CELSR1: variants seen among roughly 807,000 people sequenced by gnomAD.
CELSR1 encodes cadherin EGF LAG seven-pass G-type receptor 1.
CELSR1 carries 110 observed loss-of-function variants against 249.1 expected under a neutral mutation model. That is an observed-to-expected ratio of 0.44 (90% CI 0.38 to 0.52). The LOEUF is 0.52. CELSR1 is among the 20% of genes least tolerant of loss of function. The probability of loss-of-function intolerance (pLI) is 0.00; values close to 1 mark genes in which losing one functional copy is unlikely to be tolerated. For synonymous variants in CELSR1, 2,113 were observed against 1,900.0 expected (o/e 1.11, Z -2.92); for missense variants, 4,109 against 4,296.4 (o/e 0.96, Z 1.22).
At chr22:46,494,450 G>A (rs1177572080) in intron 1 of CELSR1, among the ~76,000 whole-genome samples, 3 of 152,108 alleles carry the variant, frequency 2.0e-5, no homozygotes, top group Non-Finnish European at 4.4e-5. Flanking sequence ...TCATAACATT[G>A]AGTCTTCTAA....
chr22:46,372,503 A>T, intron 25 of CELSR1, among the ~76,000 whole-genome samples: 1 of 44,254 alleles, frequency 2.3e-5, no homozygotes, highest in Admixed American at 2.9e-4. Context: ...CCATCCATCC[A>T]CTCACCCCCC....
At position 46,398,643 on chromosome 22, in the gene CELSR1, C is replaced by G. The variant is rs867027698; in HGVS notation, c.5413-6G>C. The G allele has an allele frequency of 1.9e-6, 3 of 1,603,778 alleles. No homozygotes were observed. The highest frequency in any genetic ancestry group is 2.6e-6 in the Non-Finnish European group (3 of 1,175,120). ...CCCCCGATATCTGCCTTGTTCTGTG[C>G]GGAGAGAGGGGCCGGGGATCTGGGG... On this transcript the variant is annotated splice_polypyrimidine_tract_variant and splice_region_variant and intron_variant, in intron 10 of 34. Transcript: ENST00000674500. This position sits in a 1 kb window ranked among gnomAD's most constrained non-coding sequence, Gnocchi z 7.2.
rs1304810481 is a variant in CELSR1 at position 46,447,500 on chromosome 22, C to T, written c.4184-8089G>A. Reference sequence around the variant, plus strand: ...CACACCCCCATCACCATGGCAGCCTCGCCTCCCACACCAAGGATAGAGTCC... The same window carrying T: ...CACACCCCCATCACCATGGCAGCCTTGCCTCCCACACCAAGGATAGAGTCC... On this transcript the variant is annotated intron_variant, in intron 2 of 34. Transcript: ENST00000674500. The surrounding 1 kb of genome is among the most constrained non-coding windows in gnomAD (Gnocchi z 4.7). 6.6e-6 allele frequency among the ~76,000 whole-genome samples: 1 copy of T among 152,148 alleles called. No individual in the cohort carries two copies. Among genetic ancestry groups the T allele is most frequent in the Non-Finnish European group, 1.5e-5 (1 of 68,038 alleles).
intron 1 of CELSR1, among the ~76,000 whole-genome samples, chr22:46,483,385 C>CTTTTTTTTT (rs10647586): frequency 4.9e-5 from 4 of 81,214 alleles, no homozygotes; most frequent in Non-Finnish European, 6.7e-5. Context: ...CTATTCCTGA[C>CTTTTTTTTT]TTTTTTTTTT....
chr22:46,514,480 G>T (rs376890003), intron 1 of CELSR1, among the ~76,000 whole-genome samples: 1 of 152,288 alleles, frequency 6.6e-6, no homozygotes, highest in African/African-American at 2.4e-5. Context: ...ACCTCTGGCT[G>T]CCAGTCAGTC....
chr22:46,522,311 A>AT (rs779815261), intron 1 of CELSR1, among the ~76,000 whole-genome samples: 1 of 151,706 alleles, frequency 6.6e-6, no homozygotes, highest in Non-Finnish European at 1.5e-5. Flanking sequence ...TATTTTGTAT[A>AT]TTTTTTTGGT....
In CELSR1 at chr22:46,533,968, C is replaced by A. The variant is rs774690420; in HGVS notation, c.3203G>T (p.Arg1068Leu). 6.2e-7 allele frequency: 1 copy of A among 1,613,506 alleles called. No individual in the cohort carries two copies. The highest frequency in any genetic ancestry group is 1.1e-5 in the South Asian group (1 of 91,088). ...AMVELDFEVR[R>L]EYVLVVQATS... Reference sequence around the variant, plus strand: ...GGCCTGCACCACCAGCACATACTCCCGCCGGACCTCAAAGTCCAGCTCCAC... The same window carrying A: ...GGCCTGCACCACCAGCACATACTCCAGCCGGACCTCAAAGTCCAGCTCCAC... Residue 1068 changes from arginine to leucine, a missense_variant, in exon 1 of 35, where the codon CGG becomes CTG. Transcript: ENST00000674500.
chr22:46,373,670 G>A (rs1489535772), intron 24 of CELSR1, among the ~76,000 whole-genome samples: 144 of 116,422 alleles, frequency 1.2e-3, no homozygotes, highest in Admixed American at 2.0e-3. Context: ...GGGGAGAAGG[G>A]GGAGATGGGG....
rs1030140780 is a variant in CELSR1 at position 46,454,431 on chromosome 22, G to A, written c.4183+9276C>T. 1.9e-4 allele frequency among the ~76,000 whole-genome samples: 29 copies of A among 152,190 alleles called. No individual in the cohort carries two copies. The highest frequency in any genetic ancestry group is 3.8e-4 in the Non-Finnish European group (26 of 68,034). ...CAGAAGCAGCATCCCTCCAGTGCAC[G>A]CACAGACGCCCATGACCCGCAGCCA... On this transcript the variant is annotated intron_variant, in intron 2 of 34. Coordinates refer to ENST00000674500, the MANE Select transcript of CELSR1 (RefSeq NM_001378328.1). The surrounding 1 kb of genome is among the most constrained non-coding windows in gnomAD (Gnocchi z 5.1).
Position 46,367,758 on chromosome 22 carries a change from A to T in CELSR1, c.8050T>A (p.Tyr2684Asn). The T allele has an allele frequency of 6.2e-7, 1 of 1,607,702 alleles. No homozygotes were observed. The highest frequency in any genetic ancestry group is 1.1e-5 in the South Asian group (1 of 89,500). ...AAGCCGCTGAAGATGGCGAAGAGGT[A>T]GTGAAAGCTCAGTGCATCGCGGTTC... is the stretch of plus-strand genomic sequence containing the variant. ...AVNRDALSFH[Y>N]LFAIFSGLQG... The change falls in exon 28 of 35, where the codon TAC becomes AAC. Residue 2684 changes from tyrosine (Y) to asparagine (N), a missense_variant. Physicochemically the swap from Tyr to Asn is moderately radical, Grantham distance 143 (BLOSUM62 -2). Transcript: ENST00000674500.
At chr22:46,431,319 C>T (rs925461057) in intron 5 of CELSR1, among the ~76,000 whole-genome samples, 2 of 152,178 alleles carry the variant, frequency 1.3e-5, no homozygotes, top group African/African-American at 4.8e-5. Flanking sequence ...GTCCTGGCTG[C>T]GAGTCCCTCT....
intron 1 of CELSR1, among the ~76,000 whole-genome samples, chr22:46,467,110 A>G (rs1024041611): frequency 4.6e-5 from 7 of 152,258 alleles, no homozygotes; most frequent in African/African-American, 1.7e-4. Context: ...AGACTGACAT[A>G]TATTAATTCA....
intron 1 of CELSR1, among the ~76,000 whole-genome samples, chr22:46,479,321 C>T (rs1255224354): frequency 6.6e-6 from 1 of 152,068 alleles, no homozygotes; most frequent in Non-Finnish European, 1.5e-5. Context: ...CAACCTGCGT[C>T]AAGCCGCTCC....
At position 46,534,664 on chromosome 22, in the gene CELSR1, C is replaced by A. The variant is rs766818093; in HGVS notation, c.2507G>T (p.Arg836Leu). 1.7e-5 allele frequency: 28 copies of A among 1,613,630 alleles called. No homozygotes were observed. Among genetic ancestry groups the A allele is most frequent in the South Asian group, 3.3e-5 (3 of 91,088 alleles). The change falls in exon 1 of 35, where the codon CGC becomes CTC. Residue 836 changes from arginine to leucine, a missense_variant. Arg to Leu is a moderately radical substitution (Grantham distance 102, BLOSUM62 -2). Around this residue, in one of 7 missense-constraint regions of CELSR1, gnomAD observed 886 missense variants for 896.5 expected, o/e 0.99. Transcript: ENST00000674500. This position sits in a 1 kb window ranked among gnomAD's most constrained non-coding sequence, Gnocchi z 9.7. The part of the protein sequence containing the change: ...YVIQDPVPQF[R>L]IDPDSGTMYT... The stretch of plus-strand genomic sequence containing the variant: ...CATGGTGCCACTGTCGGGGTCAATG[C>A]GGAACTGCGGCACGGGGTCCTGAAT...
chr22:46,485,865 A>G (rs2080307813), intron 1 of CELSR1, among the ~76,000 whole-genome samples: 2 of 150,640 alleles, frequency 1.3e-5, no homozygotes, highest in Admixed American at 6.6e-5. Context: ...TCGTTTGTCT[A>G]TGACAGTGAT....
At chr22:46,516,112 TACCCA>T in intron 1 of CELSR1, among the ~76,000 whole-genome samples, 1 of 152,298 alleles carries the variant, frequency 6.6e-6, no homozygotes, top group African/African-American at 2.4e-5. Context: ...ACTGGGTATA[TACCCA>T]AAGGATTATA....
rs117876147 is a variant in CELSR1, at chr22:46,526,560, C to G, written c.3544+7067G>C. ...CACCAAGGACCTGCCCTTGGCTAAC[C>G]CATCACATCTCTGTCCCCAGGCTCT... On this transcript the variant is annotated intron_variant, in intron 1 of 34. Coordinates refer to ENST00000674500, the MANE Select transcript of CELSR1 (RefSeq NM_001378328.1). The surrounding 1 kb of genome is among the most constrained non-coding windows in gnomAD (Gnocchi z 4.7). Among the ~76,000 whole-genome samples the G allele has an allele frequency of 0.014, 2,135 of 152,302 alleles. 29 individuals carry two copies. Among genetic ancestry groups the G allele is most frequent in the Non-Finnish European group, 0.023 (1,531 of 68,024 alleles).
Position 46,367,862 on chromosome 22 carries a change from G to A in CELSR1, c.7953-7C>T, listed in dbSNP as rs374913455. On this transcript the variant is annotated splice_polypyrimidine_tract_variant and splice_region_variant and intron_variant, in intron 27 of 34. Coordinates refer to ENST00000674500, the MANE Select transcript of CELSR1 (RefSeq NM_001378328.1). ...TGCGGTCCTCAGCAGGGAGCTGCGG[G>A]AGGGCAGGATCAGGCCTGTGCCCAT... is the stretch of plus-strand genomic sequence containing the variant. 1 of 1,607,798 alleles carries A rather than the reference G, an allele frequency of 6.2e-7. No individual in the cohort carries two copies. Among genetic ancestry groups the A allele is most frequent in the East Asian group, 2.2e-5 (1 of 44,760 alleles).
At chr22:46,497,718 G>A (rs2080426653) in intron 1 of CELSR1, among the ~76,000 whole-genome samples, 1 of 152,054 alleles carries the variant, frequency 6.6e-6, no homozygotes, top group Non-Finnish European at 1.5e-5. Context: ...ATATCTTCTG[G>A]GGGTGGGGGA....
Sources: allele counts gnomAD v4.1 joint callset (sites outside exome capture counted in the v4.1 genomes callset), GRCh38; gene constraint gnomAD v4.1.1; regional missense constraint gnomAD v4.1.1; non-coding constraint Gnocchi (gnomAD v3.1); transcripts MANE v1.5; gene names NCBI Gene and HGNC (gene_info 2026-07-23, HGNC 2026-07-21).